Variants in LPIN2 observed in about 807,000 individuals in gnomAD.
LPIN2 encodes the protein phosphatidate phosphatase LPIN2.
LPIN2 carries 55 observed loss-of-function variants against 111.4 expected under a neutral mutation model. The ratio of observed to expected loss-of-function variants is 0.49; its 90% CI spans 0.40 to 0.62. LPIN2 has a LOEUF of 0.62. LPIN2 is among the 20% of genes least tolerant of loss of function. The pLI, the probability that LPIN2 is intolerant of heterozygous loss-of-function variation, is 0.00. For synonymous variants in LPIN2, 425 were observed against 414.0 expected, an observed-to-expected ratio of 1.03 and a Z score of -0.32; for missense variants, 992 against 1,112.1, an observed-to-expected ratio of 0.89 and a Z score of 1.54.
chr18:2,996,645 T>C (rs1216654742), intron 1 of LPIN2, among the ~76,000 whole-genome samples: 1 of 148,980 alleles, frequency 6.7e-6, no homozygotes, highest in Non-Finnish European at 1.5e-5. Flanking sequence ...GCCTGGCTAA[T>C]TTTTTGTATT....
At chr18:2,938,999 AAAAACTAAAAAATTAACTGGG>A (rs1268825632) in intron 6 of LPIN2, among the ~76,000 whole-genome samples, 1 of 152,180 alleles carries the variant, frequency 6.6e-6, no homozygotes, top group African/African-American at 2.4e-5. Flanking sequence ...TACAAAAAAT[AAAAACTAAAAAATTAACTGGG>A]TGTGGTAGCA....
At chr18:2,943,833 G>A (rs1335508550) in intron 4 of LPIN2, among the ~76,000 whole-genome samples, 3 of 152,046 alleles carry the variant, frequency 2.0e-5, no homozygotes, top group Non-Finnish European at 4.4e-5. Context: ...GTTTTTATTT[G>A]TAACAGAGCT....
At chr18:2,996,616 TA>T (rs139345713) in intron 1 of LPIN2, among the ~76,000 whole-genome samples, 3,370 of 151,194 alleles carry the variant, frequency 0.022, 47 homozygotes, top group Middle Eastern at 0.048. Flanking sequence ...TAGCTGGGAC[TA>T]CAGGTGCCCA....
intron 9 of LPIN2, among the ~76,000 whole-genome samples, chr18:2,930,642 A>T (rs1167120686): frequency 2.2e-4 from 33 of 152,256 alleles, no homozygotes; most frequent in Admixed American, 2.2e-3. Flanking sequence ...TCAGTTTTAA[A>T]AGGAAGGTTA....
intron 17 of LPIN2, 140 bp from the exon 18 acceptor site, chr18:2,921,787 A>G (rs1282159411): frequency 6.4e-6 from 5 of 786,264 alleles, no homozygotes; most frequent in Admixed American, 4.4e-5. Context: ...CTTCTTTGCC[A>G]GTCTGATAAC....
At chr18:2,972,979 G>A (rs1378136557) in intron 1 of LPIN2, among the ~76,000 whole-genome samples, 1 of 152,160 alleles carries the variant, frequency 6.6e-6, no homozygotes, top group East Asian at 1.9e-4. Flanking sequence ...AGAGAGAAAT[G>A]CAATAAGTAA....
rs528433603 is a variant in LPIN2 at position 2,928,124 on chromosome 18, A to AG, written c.1621-314dup. 4.2e-3 allele frequency among the ~76,000 whole-genome samples: 637 copies of AG among 152,328 alleles called. 6 individuals carry two copies. The highest frequency in any genetic ancestry group is 0.036 in the South Asian group (174 of 4,820). ...TTCTCATGAGTTAAGAGGACCAACT[A>AG]GGCTGATGATGTCTTCTTGGGGGAC... On this transcript the variant is annotated intron_variant, in intron 11 of 19. Coordinates refer to ENST00000677752, the MANE Select transcript of LPIN2 (RefSeq NM_001375808.2).
chr18:2,922,057 C>T lies in LPIN2; in HGVS notation c.2317G>A (p.Ala773Thr), dbSNP rs750526323. The stretch of plus-strand genomic sequence containing the variant: ...CTGCCGGAGAGGTACCTGTGGAAGG[C>T]GGAGAACAAGCTGCTGGGGGACAGC... ...LMLSPSSLFSAFHREVIEKKP... is the reference protein window; with the variant it reads ...LMLSPSSLFSTFHREVIEKKP... Residue 773 changes from alanine (A) to threonine (T), a missense_variant, in exon 17 of 20, where the codon GCC becomes ACC. By Grantham distance (58) the Ala-to-Thr change is moderately conservative (BLOSUM62 0). Coordinates refer to ENST00000677752, the MANE Select transcript of LPIN2 (RefSeq NM_001375808.2). 26 of 1,612,314 alleles carry T rather than the reference C, an allele frequency of 1.6e-5. No homozygotes were observed. The highest frequency in any genetic ancestry group is 2.0e-5 in the Non-Finnish European group (24 of 1,179,450).
At chr18:2,984,139 C>T (rs917279337) in intron 1 of LPIN2, among the ~76,000 whole-genome samples, 22 of 152,184 alleles carry the variant, frequency 1.4e-4, no homozygotes, top group Non-Finnish European at 8.8e-5. Flanking sequence ...ATGCTTAATA[C>T]AGTAACATAT....
intron 1 of LPIN2, among the ~76,000 whole-genome samples, chr18:3,007,960 C>T (rs2078541804): frequency 6.6e-6 from 1 of 152,218 alleles, no homozygotes; most frequent in African/African-American, 2.4e-5. Flanking sequence ...TTGCCAGGAA[C>T]CATAAATGTC....
intron 1 of LPIN2, among the ~76,000 whole-genome samples, chr18:2,996,467 CTTTTTTTTTT>C (rs1179106649): frequency 2.4e-4 from 20 of 84,992 alleles, no homozygotes; most frequent in African/African-American, 2.7e-4. Flanking sequence ...AGGAAAATAT[CTTTTTTTTTT>C]TTTTTTTTTT....
chr18:2,991,990 AGAGT>A (rs1000828840), intron 1 of LPIN2, among the ~76,000 whole-genome samples: 6 of 144,284 alleles, frequency 4.2e-5, no homozygotes, highest in Admixed American at 2.1e-4. Context: ...CCTGGGCGAC[AGAGT>A]GAGACTCCAT....
intron 7 of LPIN2, among the ~76,000 whole-genome samples, chr18:2,937,260 G>A (rs1018063576): frequency 6.6e-5 from 10 of 151,984 alleles, no homozygotes; most frequent in Non-Finnish European, 1.0e-4. Flanking sequence ...AGTGAGTGAC[G>A]GGCCTGGGCA....
intron 16 of LPIN2, among the ~76,000 whole-genome samples, chr18:2,923,403 A>C (rs566286677): frequency 0.023 from 1,144 of 49,130 alleles, 21 homozygotes; most frequent in African/African-American, 0.038. Flanking sequence ...CTGGGCGACA[A>C]GAGCAAAACT....
chr18:2,996,642 TA>T (rs1274355567), intron 1 of LPIN2, among the ~76,000 whole-genome samples: 1 of 151,462 alleles, frequency 6.6e-6, no homozygotes, highest in Non-Finnish European at 1.5e-5. Context: ...CACGCCTGGC[TA>T]ATTTTTTGTA....
chr18:2,978,206 A>T (rs1009300932), intron 1 of LPIN2, among the ~76,000 whole-genome samples: 2 of 152,114 alleles, frequency 1.3e-5, no homozygotes, highest in African/African-American at 2.4e-5. Flanking sequence ...AAAAAATAAA[A>T]AAAAAAGTTG....
chr18:3,000,989 A>G (rs1210621295), intron 1 of LPIN2, among the ~76,000 whole-genome samples: 1 of 150,948 alleles, frequency 6.6e-6, no homozygotes, highest in Non-Finnish European at 1.5e-5. Context: ...AGAGGGAGGG[A>G]GAGAGAGAGA....
Position 3,012,781 on chromosome 18 carries a change from C to T in LPIN2, c.-10+306G>A, listed in dbSNP as rs556838438. ...GAGGGAACTGCGCGGGTTCAGAGTCCTCAGCAGCCACCACTGACGCCCCGA... is the reference window on the plus strand; with the variant it reads ...GAGGGAACTGCGCGGGTTCAGAGTCTTCAGCAGCCACCACTGACGCCCCGA... On this transcript the variant is annotated intron_variant, in intron 1 of 19. Transcript: ENST00000677752. Among the ~76,000 whole-genome samples, 797 of 152,098 alleles carry T rather than the reference C, an allele frequency of 5.2e-3. 7 individuals carry two copies. The highest frequency in any genetic ancestry group is 0.018 in the African/African-American group (764 of 41,524).
chr18:2,939,534 G>C lies in LPIN2; in HGVS notation c.768C>G (p.Leu256=). The C allele has an allele frequency of 6.2e-7, 1 of 1,614,090 alleles. No individual in the cohort carries two copies. The highest frequency in any genetic ancestry group is 8.5e-7 in the Non-Finnish European group (1 of 1,179,980). The change falls in exon 6 of 20, where the codon CTC becomes CTG. Residue 256 remains leucine, a synonymous_variant. Transcript: ENST00000677752. ...TCCACTCCATGTGAGACTCTGATCT[G>C]AGCAGGCTCTCCGCAGGTTTCACCT... ...ELEVKPAESL[L]RSESHMEWTW... is the part of the protein sequence containing the mutation.
Sources: gnomAD v4.1 joint callset for allele counts (sites outside exome capture counted in the v4.1 genomes callset) on GRCh38, gnomAD v4.1.1 for gene constraint, MANE v1.5 for transcripts, NCBI Gene and HGNC (gene_info 2026-07-23, HGNC 2026-07-21) for gene names.